The following ZNF136 variants were observed in gnomAD, a reference collection of about 807,000 sequenced individuals.
ZNF136 encodes zinc finger protein 136 (clone pHZ-20).
ZNF136 carries 8 observed loss-of-function variants against 11.4 expected under a neutral mutation model. The observed-to-expected ratio is 0.70, with a 90% confidence interval of 0.41 to 1.27. The LOEUF (loss-of-function observed/expected upper bound fraction) is 1.27. Among genes scored for constraint, ZNF136 ranks in the 50% most tolerant of loss-of-function variants. The pLI is 0.01. For missense variants in ZNF136, 590 were observed against 656.5 expected, an observed-to-expected ratio of 0.90 and a Z score of 1.11; for synonymous variants, 190 against 207.1, an observed-to-expected ratio of 0.92 and a Z score of 0.71.
At chr19:12,163,753 A>C (rs1977146152) in intron 1 of ZNF136, 1 of 152,828 alleles carries the variant, frequency 6.5e-6, no homozygotes, top group Non-Finnish European at 1.5e-5. Flanking sequence ...TATATTCTAC[A>C]TTTCAGATAT....
intron 1 of ZNF136, among the ~76,000 whole-genome samples, chr19:12,173,523 A>G (rs1163024988): frequency 1.2e-4 from 19 of 152,144 alleles, no homozygotes; most frequent in Admixed American, 1.2e-3. Context: ...GGAGCGAGTC[A>G]TACTGTAACT....
At chr19:12,168,414 A>G (rs1211942023) in intron 1 of ZNF136, among the ~76,000 whole-genome samples, 1 of 151,906 alleles carries the variant, frequency 6.6e-6, no homozygotes, top group Middle Eastern at 3.2e-3. Context: ...GAGAGGCTGG[A>G]TATTGAGTTC....
rs971810717 is a variant in ZNF136 at position 12,187,699 on chromosome 19, A to G, written c.1321A>G (p.Thr441Ala). Residue 441 changes from threonine to alanine, a missense_variant, in exon 4 of 4, where the codon ACT (threonine) becomes GCT (alanine). Thr to Ala is a moderately conservative substitution (Grantham distance 58). Coordinates refer to ENST00000343979, the MANE Select transcript of ZNF136 (RefSeq NM_003437.5). ...SSTSIRIHER[T>A]HTGEKPYECK... is the part of the protein sequence containing the mutation. ...AACATCAATTCGAATACATGAAAGA[A>G]CTCATACTGGAGAGAAACCCTATGA... 1.2e-6 allele frequency: 2 copies of G among 1,613,986 alleles called. No homozygotes were observed. The highest frequency in any genetic ancestry group is 1.7e-6 in the Non-Finnish European group (2 of 1,180,036).
At chr19:12,178,494 C>CAT (rs1914853879) in intron 1 of ZNF136, among the ~76,000 whole-genome samples, 1 of 152,168 alleles carries the variant, frequency 6.6e-6, no homozygotes, top group Non-Finnish European at 1.5e-5. Context: ...TGTGATCAAA[C>CAT]ATAGTATGTA....
chr19:12,185,468 C>A, intron 1 of ZNF136: 1 of 207,386 alleles, frequency 4.8e-6, no homozygotes. Context: ...AACTCTTTTG[C>A]ATAGTAGGTG....
intron 1 of ZNF136, among the ~76,000 whole-genome samples, chr19:12,174,408 T>G (rs1914735619): frequency 6.6e-6 from 1 of 152,210 alleles, no homozygotes; most frequent in South Asian, 2.1e-4. Flanking sequence ...TGCCTGACAG[T>G]GCCTGCTCTG....
intron 1 of ZNF136, among the ~76,000 whole-genome samples, chr19:12,167,341 C>A (rs1362862581): frequency 1.3e-5 from 2 of 152,196 alleles, no homozygotes; most frequent in Non-Finnish European, 2.9e-5. Context: ...GTCAGAGACA[C>A]AAATTTAAGG....
chr19:12,167,269 A>G (rs1170430353), intron 1 of ZNF136, among the ~76,000 whole-genome samples: 1 of 152,220 alleles, frequency 6.6e-6, no homozygotes, highest in Non-Finnish European at 1.5e-5. Context: ...CTTTTCACCT[A>G]AGAAGCAGAA....
chr19:12,176,875 G>C (rs1463380667), intron 1 of ZNF136, among the ~76,000 whole-genome samples: 1 of 152,164 alleles, frequency 6.6e-6, no homozygotes, highest in African/African-American at 2.4e-5. Flanking sequence ...TGTTATCTCT[G>C]AGGGTTTGTG....
At chr19:12,165,272 G>A (rs1027003710) in intron 1 of ZNF136, among the ~76,000 whole-genome samples, 3 of 152,186 alleles carry the variant, frequency 2.0e-5, no homozygotes, top group African/African-American at 4.8e-5. Context: ...TGGGGGTAGA[G>A]GGATGTTCCA....
Position 12,186,571 on chromosome 19 carries a change from A to C in ZNF136, c.193A>C (p.Ser65Arg). The C allele has an allele frequency of 6.3e-7, 1 of 1,596,734 alleles. No homozygotes were observed. Among genetic ancestry groups the C allele is most frequent in the African/African-American group, 1.3e-5 (1 of 74,288 alleles). The part of the protein sequence containing the change: ...HYKHRGRNLR[S>R]HMLERLYQTK... ...TAATGTCCGTCTCATTTTTTACAGA[A>C]GTCATATGTTAGAAAGACTCTATCA... Residue 65 changes from serine to arginine, a missense_variant and splice_region_variant, in exon 4 of 4, where the codon AGT becomes CGT. Ser to Arg is a moderately radical substitution (Grantham distance 110, BLOSUM62 -1). Transcript: ENST00000343979.
At chr19:12,178,714 G>T (rs1321760079) in intron 1 of ZNF136, among the ~76,000 whole-genome samples, 2 of 152,150 alleles carry the variant, frequency 1.3e-5, no homozygotes, top group African/African-American at 4.8e-5. Context: ...AATCAGGCGG[G>T]GAGGGGTGGC....
Position 12,163,137 on chromosome 19 carries a change from T to G in ZNF136, c.-67T>G, listed in dbSNP as rs896996791. On this transcript the variant is annotated 5_prime_UTR_variant, in exon 1 of 4. Transcript: ENST00000343979. Reference sequence around the variant, plus strand: ...CAGAGTGGCTCGCCTGGAGTCTCTGTGGCGCGGTTTCCTGTACCTGCCTTG... The same window carrying G: ...CAGAGTGGCTCGCCTGGAGTCTCTGGGGCGCGGTTTCCTGTACCTGCCTTG... 69 of 1,391,882 alleles carry G rather than the reference T, an allele frequency of 5.0e-5. No homozygotes were observed. The highest frequency in any genetic ancestry group is 2.0e-4 in the Admixed American group (7 of 34,788). 86.2% of individuals were successfully genotyped at this position (1,391,882 alleles called of 1,614,324 possible). A position where few individuals can be genotyped will look rare whatever the true frequency, so the allele number is the denominator to read the frequency against.
intron 1 of ZNF136, among the ~76,000 whole-genome samples, chr19:12,181,647 T>G (rs115357717): frequency 0.015 from 2,218 of 150,784 alleles, 47 homozygotes; most frequent in African/African-American, 0.05. Flanking sequence ...TAATTTTTTT[T>G]GGGGGGGGAC....
intron 1 of ZNF136, among the ~76,000 whole-genome samples, chr19:12,176,695 A>G (rs73502043): frequency 0.014 from 2,142 of 152,312 alleles, 43 homozygotes; most frequent in African/African-American, 0.049. Flanking sequence ...ACAGAGCTGA[A>G]CAAATAACCC....
At chr19:12,178,864 C>G (rs554464409) in intron 1 of ZNF136, among the ~76,000 whole-genome samples, 1 of 151,970 alleles carries the variant, frequency 6.6e-6, no homozygotes, top group African/African-American at 2.4e-5. Context: ...TGGCGGGCAC[C>G]CATAGTCCCT....
chr19:12,168,046 C>CTTTTT (rs1914525395), intron 1 of ZNF136, among the ~76,000 whole-genome samples: 1 of 56,686 alleles, frequency 1.8e-5, no homozygotes. Context: ...ATTTTTTTTT[C>CTTTTT]TTTTCTTTTT....
chr19:12,185,469 A>G (rs17001836), intron 1 of ZNF136: 2,250 of 211,666 alleles, frequency 0.011, 48 homozygotes, highest in African/African-American at 0.05. Context: ...ACTCTTTTGC[A>G]TAGTAGGTGG....
intron 1 of ZNF136, 89 bp from the exon 2 acceptor site, chr19:12,185,695 GA>G (rs1915061930): frequency 1.3e-6 from 2 of 1,513,266 alleles, no homozygotes; most frequent in African/African-American, 1.4e-5. Context: ...GCAGACCCCT[GA>G]AACATGTGAA....
Sources: allele counts gnomAD v4.1 joint callset (sites outside exome capture counted in the v4.1 genomes callset), GRCh38; gene constraint gnomAD v4.1.1; transcripts MANE v1.5; gene names NCBI Gene and HGNC (gene_info 2026-07-23, HGNC 2026-07-21).